The following MMS19 variants were observed in gnomAD, a reference collection of about 807,000 sequenced individuals.
The protein encoded by MMS19 is MMS19 nucleotide excision repair protein homolog.
MMS19 carries 77 observed loss-of-function variants against 129.8 expected under a neutral mutation model. The ratio of observed to expected loss-of-function variants is 0.59; its 90% confidence interval spans 0.49 to 0.72. The LOEUF is 0.72. Ranked by LOEUF, MMS19 falls within the 30% of genes least tolerant of loss-of-function variation. The pLI, the probability that MMS19 is intolerant of heterozygous loss-of-function variation, is 0.00. For synonymous variants in MMS19, 491 were observed against 502.8 expected (o/e 0.98, Z 0.31); for missense variants, 1,168 against 1,266.3 (o/e 0.92, Z 1.18).
chr10:97,477,527 T>TA, intron 5 of MMS19, 111 bp from the exon 6 acceptor site: 2 of 1,419,718 alleles, frequency 1.4e-6, no homozygotes. Context: ...TATACCAGCA[T>TA]AAGATCAATC....
chr10:97,468,760 C>T (rs1013982699), intron 12 of MMS19, among the ~76,000 whole-genome samples: 7 of 152,186 alleles, frequency 4.6e-5, no homozygotes, highest in Admixed American at 2.0e-4. Flanking sequence ...AGGCGTCCAC[C>T]ACCACGCCCG....
chr10:97,494,185 G>T (rs529318442), intron 1 of MMS19, among the ~76,000 whole-genome samples: 1 of 152,314 alleles, frequency 6.6e-6, no homozygotes, highest in East Asian at 1.9e-4. Flanking sequence ...CCCTTTATAG[G>T]AGGGTCTAAG....
At chr10:97,469,163 A>G (rs1180026061) in intron 11 of MMS19, 59 bp from the exon 12 acceptor site, 3 of 1,522,884 alleles carry the variant, frequency 2.0e-6, no homozygotes, top group Non-Finnish European at 2.6e-6. Flanking sequence ...AGACCCCACC[A>G]ATCCACTGCC....
chr10:97,461,868 A>G lies in MMS19; in HGVS notation c.2144T>C (p.Ile715Thr). 1.2e-6 allele frequency: 2 copies of G among 1,608,558 alleles called. No homozygotes were observed. Among genetic ancestry groups the G allele is most frequent in the African/African-American group, 1.3e-5 (1 of 74,972 alleles). The change falls in exon 22 of 31, where the codon ATT becomes ACT. Residue 715 changes from isoleucine to threonine, a missense_variant. By Grantham distance (89) the Ile-to-Thr change is moderately conservative. Coordinates refer to ENST00000438925, the MANE Select transcript of MMS19 (RefSeq NM_022362.5). ...GCAGACAAAGGCCATAAGCAGTGCA[A>G]TCAGCCGCCTCTGCCCTGAGGAGCC... The part of the protein sequence containing the change: ...QDGSSGQRRL[I>T]ALLMAFVCSL...
In MMS19 at chr10:97,469,070, T is replaced by C. The variant is rs2135309227; in HGVS notation, c.959A>G (p.Glu320Gly). The C allele has an allele frequency of 6.3e-7, 1 of 1,582,392 alleles. No individual in the cohort carries two copies. ...CAGGGAGTGGAGGGCCGCCAGGCCC[T>C]CTGCCTCCACCCGCTCACTTGCCGT... ...FQTASERVEA[E>G]GLAALHSLTA... Residue 320 changes from glutamate (E) to glycine (G), a missense_variant, in exon 12 of 31, where the codon GAG (glutamate) becomes GGG (glycine). By Grantham distance (98) the Glu-to-Gly change is moderately conservative. This residue lies in a region of MMS19 where 831 missense variants were observed against 910.8 expected (regional missense o/e 0.91). Coordinates refer to ENST00000438925, the MANE Select transcript of MMS19 (RefSeq NM_022362.5).
intron 19 of MMS19, chr10:97,463,065 C>T (rs1361316473): frequency 9.1e-6 from 2 of 219,144 alleles, no homozygotes; most frequent in Non-Finnish European, 1.8e-5. Context: ...CTTCATGGGT[C>T]CTTATTATTT....
Position 97,459,724 on chromosome 10 carries a change from A to G in MMS19, c.2674T>C (p.Leu892=). The G allele has an allele frequency of 6.2e-7, 1 of 1,611,780 alleles. No individual in the cohort carries two copies. The highest frequency in any genetic ancestry group is 8.5e-7 in the Non-Finnish European group (1 of 1,178,918). The change falls in exon 27 of 31, where the codon TTG becomes CTG. Residue 892 remains leucine, a synonymous_variant. Transcript: ENST00000438925. ...AAPQDVKPNY[L]KGLSHVLNRL... ...TTAAGTACATGAGAAAGACCCTTCA[A>G]GTAGTTTGGCTTCACATCTGTAAAA...
intron 1 of MMS19, among the ~76,000 whole-genome samples, chr10:97,486,762 C>T (rs1191528887): frequency 6.6e-6 from 1 of 150,454 alleles, no homozygotes; most frequent in Admixed American, 6.7e-5. Context: ...CTCAAGATGA[C>T]AAATTTCCCA....
chr10:97,460,072 A>T lies in MMS19; in HGVS notation c.2630T>A (p.Val877Asp). ...RFFTDNVPAL[V>D]QGFHAAPQDV... ...TTGGGGAGCAGCATGGAAGCCCTGG[A>T]CCAAAGCAGGCACATTATCTGTGAA... is the stretch of plus-strand genomic sequence containing the variant. Residue 877 changes from valine (V) to aspartate (D), a missense_variant, in exon 26 of 31, where the codon GTC becomes GAC. By Grantham distance (152) the Val-to-Asp change is radical. Transcript: ENST00000438925. The T allele has an allele frequency of 6.2e-7, 1 of 1,613,998 alleles. No individual in the cohort carries two copies. The highest frequency in any genetic ancestry group is 8.5e-7 in the Non-Finnish European group (1 of 1,179,872).
chr10:97,498,736 G>C (rs2040258701), upstream of MMS19: 1 of 328,632 alleles, frequency 3.0e-6, no homozygotes, highest in Non-Finnish European at 5.6e-6. Flanking sequence ...CAGCCCTAGG[G>C]GGCGGTGCTG....
At chr10:97,460,451 G>C (rs551423156) in intron 25 of MMS19, 1 of 619,282 alleles carries the variant, frequency 1.6e-6, no homozygotes, top group African/African-American at 1.8e-5. Context: ...TGCCCCTGTA[G>C]TCCCAGCTAC....
At chr10:97,466,475 T>C in intron 16 of MMS19, 29 bp downstream of exon 16, 1 of 1,541,694 alleles carries the variant, frequency 6.5e-7, no homozygotes, top group Non-Finnish European at 9.0e-7. Flanking sequence ...GGGAACAGCT[T>C]GCTCTATCTC....
intron 1 of MMS19, among the ~76,000 whole-genome samples, chr10:97,485,742 C>A (rs1009427069): frequency 6.6e-6 from 1 of 152,220 alleles, no homozygotes; most frequent in East Asian, 1.9e-4. Context: ...GCCACCGCAC[C>A]TAGACGATGA....
At chr10:97,498,515 T>G, upstream of MMS19, 1 of 1,370,300 alleles carries the variant, frequency 7.3e-7, no homozygotes, top group Non-Finnish European at 9.8e-7. Flanking sequence ...GCCTGCCGGC[T>G]TCTGCCTAGG....
intron 1 of MMS19, among the ~76,000 whole-genome samples, chr10:97,491,478 A>T (rs746736009): frequency 4.7e-4 from 72 of 152,078 alleles, no homozygotes; most frequent in Non-Finnish European, 7.4e-5. Context: ...CAGTCTGGCC[A>T]ATATGGTGAA....
intron 1 of MMS19, among the ~76,000 whole-genome samples, chr10:97,491,277 G>A (rs1346122767): frequency 6.6e-6 from 1 of 152,224 alleles, no homozygotes; most frequent in African/African-American, 2.4e-5. Flanking sequence ...CTCTGTGGAT[G>A]TCAGGCTAGG....
intron 1 of MMS19, among the ~76,000 whole-genome samples, chr10:97,496,379 G>C (rs1242631454): frequency 6.6e-6 from 1 of 151,892 alleles, no homozygotes; most frequent in African/African-American, 2.4e-5. Context: ...GAGCGCAGTG[G>C]CACACTCCCT....
chr10:97,463,223 G>A (rs887677490), intron 19 of MMS19, among the ~76,000 whole-genome samples: 1 of 148,384 alleles, frequency 6.7e-6, no homozygotes, highest in Non-Finnish European at 1.5e-5. Flanking sequence ...CCAGGCTCGA[G>A]TGCAGAGGCA....
chr10:97,462,689 A>AAC lies in MMS19; in HGVS notation c.1913-9_1913-8dup, dbSNP rs749940124. 5 of 1,601,836 alleles carry AAC rather than the reference A, an allele frequency of 3.1e-6. No homozygotes were observed. The highest frequency in any genetic ancestry group is 1.3e-5 in the African/African-American group (1 of 74,704). On this transcript the variant is annotated splice_region_variant and splice_polypyrimidine_tract_variant and intron_variant, in intron 19 of 30. Coordinates refer to ENST00000438925, the MANE Select transcript of MMS19 (RefSeq NM_022362.5). ...AGAACTGAGGGCTCCTTCTCTGCAA[A>AAC]ACACACACACATGCACACAATCACA...
Sources: allele counts gnomAD v4.1 joint callset (sites outside exome capture counted in the v4.1 genomes callset), GRCh38; gene constraint gnomAD v4.1.1; regional missense constraint gnomAD v4.1.1; transcripts MANE v1.5; gene names NCBI Gene and HGNC (gene_info 2026-07-23, HGNC 2026-07-21).